RNMT: variants seen among roughly 807,000 people sequenced by gnomAD.
The protein encoded by RNMT is RNA guanine-7 methyltransferase.
In RNMT, 27 loss-of-function variants were observed where a neutral mutation model predicts 56.0. The ratio of observed to expected loss-of-function variants is 0.48; its 90% CI spans 0.36 to 0.67. The LOEUF is 0.67. Among genes scored for constraint, RNMT ranks in the 30% least tolerant of loss-of-function variants. The pLI is 0.00. For missense variants in RNMT, 519 were observed against 552.1 expected (o/e 0.94, Z 0.60); for synonymous variants, 184 against 176.2 (o/e 1.04, Z -0.35).
intron 8 of RNMT, among the ~76,000 whole-genome samples, chr18:13,743,972 T>C (rs939323299): frequency 1.3e-5 from 2 of 152,026 alleles, no homozygotes; most frequent in Admixed American, 6.5e-5. Context: ...TTTTTAAAAC[T>C]AATAAACTGG....
At position 13,731,923 on chromosome 18, in the gene RNMT, G is replaced by T. The variant is rs1454022674; in HGVS notation, c.406G>T (p.Glu136Ter). ...AAAAATAGCACTTGAGGATGTTCCTGAAAAGCAGAAAGTATGTTCAGTGTA... is the reference window on the plus strand; with the variant it reads ...AAAAATAGCACTTGAGGATGTTCCTTAAAAGCAGAAAGTATGTTCAGTGTA... ...KRKIALEDVP[E>*]KQKNLEEGHS... Residue 136 changes from glutamate (E) to a stop codon, truncating the protein, a stop_gained, in exon 3 of 12, where the codon GAA becomes TAA. Transcript: ENST00000383314. LOFTEE classifies it high-confidence loss of function. 1.3e-6 allele frequency: 2 copies of T among 1,589,678 alleles called. No homozygotes were observed. The highest frequency in any genetic ancestry group is 1.7e-6 in the Non-Finnish European group (2 of 1,173,238).
chr18:13,749,239 A>G (rs1229896299), intron 9 of RNMT, among the ~76,000 whole-genome samples: 2 of 152,236 alleles, frequency 1.3e-5, no homozygotes, highest in East Asian at 3.8e-4. Context: ...TTACAACAAA[A>G]TAGTTTGACA....
At position 13,764,048 on chromosome 18, in the gene RNMT, C is replaced by G. The variant is rs967006481; in HGVS notation, c.*4069C>G. On this transcript the variant is annotated 3_prime_UTR_variant, in exon 12 of 12. Transcript: ENST00000383314. ...TTTAGCAGCCCAACCTGTAGCAAATCTAGTTTAGCCTGCATGGCAGGGAGA... is the reference window on the plus strand; with the variant it reads ...TTTAGCAGCCCAACCTGTAGCAAATGTAGTTTAGCCTGCATGGCAGGGAGA... The G allele has an allele frequency of 1.3e-5, 2 of 152,128 alleles. No individual in the cohort carries two copies. Among genetic ancestry groups the G allele is most frequent in the South Asian group, 2.1e-4 (1 of 4,828 alleles). 9.4% of individuals were successfully genotyped at this position (152,128 alleles called of 1,614,324 possible).
At position 13,746,724 on chromosome 18, in the gene RNMT, ACT is replaced by A. The variant is rs922994470; in HGVS notation, c.1257+393_1257+394del. ...TGTCCCCAGTTACGATAACCAGAAA[ACT>A]CTCTCCAGACATTGCCAAATGTCCC... On this transcript the variant is annotated intron_variant, in intron 9 of 11. Transcript: ENST00000383314. Among the ~76,000 whole-genome samples, 27 of 151,956 alleles carry A rather than the reference ACT, an allele frequency of 1.8e-4. 1 individual carries two copies. The highest frequency in any genetic ancestry group is 6.0e-4 in the African/African-American group (25 of 41,334).
intron 9 of RNMT, among the ~76,000 whole-genome samples, chr18:13,750,311 T>G (rs1302021097): frequency 6.6e-6 from 1 of 152,222 alleles, no homozygotes; most frequent in African/African-American, 2.4e-5. Flanking sequence ...AATTGCTATT[T>G]ATGCTTTTCA....
At chr18:13,729,151 TGA>T (rs2044026374) in intron 1 of RNMT, among the ~76,000 whole-genome samples, 1 of 152,188 alleles carries the variant, frequency 6.6e-6, no homozygotes, top group Non-Finnish European at 1.5e-5. Flanking sequence ...TTGCATATGG[TGA>T]GAGAGAGTGG....
Position 13,744,159 on chromosome 18 carries a change from C to CTTT in RNMT, c.1139+1531_1139+1533dup, listed in dbSNP as rs201093998. On this transcript the variant is annotated intron_variant, in intron 8 of 11. Transcript: ENST00000383314. ...ATGCTAAACAAGACCTAGCGGTCTT[C>CTTT]TTTTTTTTTTTTTTTTTTTTTTTTT... 3.7e-4 allele frequency among the ~76,000 whole-genome samples: 34 copies of CTTT among 91,422 alleles called. 6 individuals are homozygous for CTTT. Among genetic ancestry groups the CTTT allele is most frequent in the African/African-American group, 1.4e-3 (27 of 18,910 alleles). The allele number at this position is 91,422 out of a possible 152,430, so 60.0% of individuals were successfully genotyped here.
chr18:13,760,471 T>C lies in RNMT; in HGVS notation c.*492T>C, dbSNP rs2044606156. ...TGTTCAATATGTATTGCTGAAGTTA[T>C]AAGTTTAAAACTCAATTTCAGATGC... On this transcript the variant is annotated 3_prime_UTR_variant, in exon 12 of 12. Coordinates refer to ENST00000383314, the MANE Select transcript of RNMT (RefSeq NM_003799.3). 33 of 985,698 alleles carry C rather than the reference T, an allele frequency of 3.3e-5. No individual in the cohort carries two copies. Among genetic ancestry groups the C allele is most frequent in the Non-Finnish European group, 3.7e-5 (31 of 829,762 alleles). The allele number at this position is 985,698 out of a possible 1,614,324, so 61.1% of individuals were successfully genotyped here. A position where few individuals can be genotyped will look rare whatever the true frequency, so the allele number is the denominator to read the frequency against.
chr18:13,743,948 C>T (rs1344172677), intron 8 of RNMT, among the ~76,000 whole-genome samples: 1 of 151,814 alleles, frequency 6.6e-6, no homozygotes, highest in Non-Finnish European at 1.5e-5. Flanking sequence ...ATATCAATTA[C>T]ATTTTCCTTT....
Position 13,761,739 on chromosome 18 carries a change from G to A in RNMT, c.*1760G>A. The A allele has an allele frequency of 3.4e-6, 4 of 1,159,916 alleles. No individual in the cohort carries two copies. The highest frequency in any genetic ancestry group is 3.2e-6 in the Non-Finnish European group (3 of 936,440). 71.9% of individuals were successfully genotyped at this position (1,159,916 alleles called of 1,614,324 possible). A position where few individuals can be genotyped will look rare whatever the true frequency, so the allele number is the denominator to read the frequency against. The stretch of plus-strand genomic sequence containing the variant: ...TGAGCCCACTGTTGTTGGTGTCAGG[G>A]AGGCTTACTGGAGCCACACCTGCAG... On this transcript the variant is annotated 3_prime_UTR_variant, in exon 12 of 12. Transcript: ENST00000383314.
intron 3 of RNMT, among the ~76,000 whole-genome samples, chr18:13,734,040 C>G (rs981335467): frequency 3.3e-5 from 5 of 152,162 alleles, no homozygotes; most frequent in African/African-American, 4.8e-5. Context: ...GTTCCCCATA[C>G]TTTTCTCATG....
intron 8 of RNMT, among the ~76,000 whole-genome samples, chr18:13,744,675 T>C (rs925539558): frequency 1.1e-4 from 16 of 152,202 alleles, no homozygotes; most frequent in Non-Finnish European, 8.8e-5. Flanking sequence ...AGTAACAGAA[T>C]CCTGCCTTAC....
chr18:13,744,159 C>CTTTTTTTTTT (rs201093998), intron 8 of RNMT, among the ~76,000 whole-genome samples: 2,589 of 90,840 alleles, frequency 0.029, 452 homozygotes, highest in Non-Finnish European at 0.041. Flanking sequence ...TAGCGGTCTT[C>CTTTTTTTTTT]TTTTTTTTTT....
rs2044229533 is a variant in RNMT, at chr18:13,740,169, A to G, written c.682A>G (p.Ile228Val). The G allele has an allele frequency of 1.9e-6, 3 of 1,593,784 alleles. No individual in the cohort carries two copies. The highest frequency in any genetic ancestry group is 2.6e-6 in the Non-Finnish European group (3 of 1,161,998). ...GRINKLVCTD[I>V]ADVSVKQCQQ... is the part of the protein sequence containing the mutation. ...CTAATACCCTTCCATCCTTCCAGATATTGCCGATGTTTCTGTCAAACAGTG... is the reference window on the plus strand; with the variant it reads ...CTAATACCCTTCCATCCTTCCAGATGTTGCCGATGTTTCTGTCAAACAGTG... Residue 228 changes from isoleucine to valine, a missense_variant and splice_region_variant, in exon 6 of 12, where the codon ATT (isoleucine) becomes GTT (valine). Transcript: ENST00000383314.
intron 1 of RNMT, among the ~76,000 whole-genome samples, chr18:13,727,705 G>GT (rs1194380991): frequency 2.6e-5 from 4 of 152,098 alleles, no homozygotes; most frequent in Non-Finnish European, 5.9e-5. Context: ...TTCTTCTGGG[G>GT]TTTTTTGTAC....
intron 11 of RNMT, among the ~76,000 whole-genome samples, chr18:13,755,420 G>A (rs780595370): frequency 6.6e-6 from 1 of 152,192 alleles, no homozygotes; most frequent in African/African-American, 2.4e-5. Flanking sequence ...ATGACTTTAT[G>A]AGTAGAGTAT....
Position 13,760,645 on chromosome 18 carries a change from A to G in RNMT, c.*666A>G. The G allele has an allele frequency of 1.0e-6, 1 of 984,958 alleles. No individual in the cohort carries two copies. Among genetic ancestry groups the G allele is most frequent in the African/African-American group, 1.7e-5 (1 of 57,360 alleles). The allele number at this position is 984,958 out of a possible 1,614,324, so 61.0% of individuals were successfully genotyped here. A position where few individuals can be genotyped will look rare whatever the true frequency, so the allele number is the denominator to read the frequency against. ...GGCTTTCTTTTCAGAAATTGCTACCATAGTAATTAATGTTTCCAGTTATCA... is the reference window on the plus strand; with the variant it reads ...GGCTTTCTTTTCAGAAATTGCTACCGTAGTAATTAATGTTTCCAGTTATCA... On this transcript the variant is annotated 3_prime_UTR_variant, in exon 12 of 12. Coordinates refer to ENST00000383314, the MANE Select transcript of RNMT (RefSeq NM_003799.3).
chr18:13,758,559 A>T (rs748112899), intron 11 of RNMT, among the ~76,000 whole-genome samples: 14 of 152,102 alleles, frequency 9.2e-5, no homozygotes, highest in Non-Finnish European at 1.0e-4. Context: ...TCCTTCATAG[A>T]ATTGAAGAGA....
At chr18:13,735,884 G>A (rs915529193) in intron 4 of RNMT, among the ~76,000 whole-genome samples, 1 of 152,064 alleles carries the variant, frequency 6.6e-6, no homozygotes, top group East Asian at 1.9e-4. Flanking sequence ...AATACAATCA[G>A]TGTGATCTGT....
Sources: gnomAD v4.1 joint callset for allele counts (sites outside exome capture counted in the v4.1 genomes callset) on GRCh38, gnomAD v4.1.1 for gene constraint, MANE v1.5 for transcripts, NCBI Gene and HGNC (gene_info 2026-07-23, HGNC 2026-07-21) for gene names.